ACOXL: variants seen among roughly 807,000 people sequenced by gnomAD.
ACOXL encodes acyl-CoA oxidase like, also known as acyl-coenzyme A oxidase-like protein.
ACOXL carries 70 observed loss-of-function variants against 71.9 expected under a neutral mutation model. The ratio of observed to expected loss-of-function variants is 0.97; its 90% CI spans 0.80 to 1.19. ACOXL has a LOEUF of 1.19. Among genes scored for constraint, ACOXL ranks in the 50% most tolerant of loss-of-function variants. ACOXL has a pLI of 0.00. For missense variants in ACOXL, 703 were observed against 736.3 expected (o/e 0.95, Z 0.52); for synonymous variants, 253 against 281.6 (o/e 0.90, Z 1.02).
intron 12 of ACOXL, among the ~76,000 whole-genome samples, chr2:110,938,912 C>T (rs1310366891): frequency 6.6e-6 from 1 of 151,938 alleles, no homozygotes; most frequent in Admixed American, 6.5e-5. Context: ...TGCCTACAGA[C>T]TACTCATAAT....
At chr2:110,758,477 T>C (rs1573371597) in intron 1 of ACOXL, among the ~76,000 whole-genome samples, 1 of 152,170 alleles carries the variant, frequency 6.6e-6, no homozygotes, top group African/African-American at 2.4e-5. Flanking sequence ...ATACATTATT[T>C]GGGGCAGTAT....
chr2:111,117,477 T>C, intron 17 of ACOXL, 139 bp from the exon 18 acceptor site: 2 of 882,890 alleles, frequency 2.3e-6, no homozygotes, highest in Non-Finnish European at 3.6e-6. Context: ...TGGCCAACAG[T>C]TTCCACAGGA....
chr2:110,963,564 AAT>A (rs1491217804), intron 12 of ACOXL: 34 of 1,478,460 alleles, frequency 2.3e-5, no homozygotes, highest in Admixed American at 8.0e-5. Context: ...GCAAATTTGA[AAT>A]GTGTGTGTGT....
intron 16 of ACOXL, among the ~76,000 whole-genome samples, chr2:111,084,805 A>G (rs1393338348): frequency 6.6e-6 from 1 of 151,726 alleles, no homozygotes; most frequent in Non-Finnish European, 1.5e-5. Context: ...ACCCAATAGT[A>G]TGCTGTCTTC....
At chr2:111,025,793 C>G (rs975384486) in intron 14 of ACOXL, among the ~76,000 whole-genome samples, 1 of 152,128 alleles carries the variant, frequency 6.6e-6, no homozygotes, top group African/African-American at 2.4e-5. Flanking sequence ...ATTTTGAAAA[C>G]ATTCAAAATT....
intron 14 of ACOXL, among the ~76,000 whole-genome samples, chr2:111,007,197 T>G (rs1377366695): frequency 6.6e-6 from 1 of 152,212 alleles, no homozygotes; most frequent in Non-Finnish European, 1.5e-5. Context: ...AATGGTTTCT[T>G]CAAGGCAATA....
chr2:110,817,933 T>C (rs1460467488), intron 9 of ACOXL, among the ~76,000 whole-genome samples: 1 of 151,764 alleles, frequency 6.6e-6, no homozygotes, highest in Non-Finnish European at 1.5e-5. Context: ...CCAAGTTTTG[T>C]TTCAATCCAT....
At chr2:111,091,000 G>T (rs1360389632) in intron 16 of ACOXL, among the ~76,000 whole-genome samples, 2 of 152,138 alleles carry the variant, frequency 1.3e-5, no homozygotes, top group Non-Finnish European at 2.9e-5. Flanking sequence ...TGTTAGCTGA[G>T]AACAGCTAGA....
chr2:110,880,676 A>G (rs913309334), intron 10 of ACOXL, among the ~76,000 whole-genome samples: 2 of 152,146 alleles, frequency 1.3e-5, no homozygotes, highest in Non-Finnish European at 2.9e-5. Context: ...GGCCGAGCAC[A>G]GTGGCTCATG....
At chr2:111,080,374 C>T (rs1184500380) in intron 16 of ACOXL, among the ~76,000 whole-genome samples, 1 of 152,196 alleles carries the variant, frequency 6.6e-6, no homozygotes, top group Non-Finnish European at 1.5e-5. Flanking sequence ...AAATTTCCCT[C>T]TAACCACTGC....
chr2:110,963,337 A>C (rs1366797048), intron 12 of ACOXL, among the ~76,000 whole-genome samples: 2 of 152,196 alleles, frequency 1.3e-5, no homozygotes, highest in African/African-American at 2.4e-5. Flanking sequence ...AAATCAGTCC[A>C]CTTTATTGAA....
intron 15 of ACOXL, among the ~76,000 whole-genome samples, chr2:111,042,823 A>G (rs867134860): frequency 1.3e-5 from 2 of 152,032 alleles, no homozygotes; most frequent in Non-Finnish European, 2.9e-5. Flanking sequence ...GGAGAAAGAG[A>G]CCCCAGAGTG....
At chr2:111,062,421 G>A (rs2066862718) in intron 16 of ACOXL, among the ~76,000 whole-genome samples, 1 of 152,050 alleles carries the variant, frequency 6.6e-6, no homozygotes, top group South Asian at 2.1e-4. Flanking sequence ...CAACTAGACA[G>A]AAAATCAAAA....
At chr2:110,899,486 A>G (rs901743032) in intron 10 of ACOXL, among the ~76,000 whole-genome samples, 6 of 152,208 alleles carry the variant, frequency 3.9e-5, no homozygotes, top group African/African-American at 1.4e-4. Context: ...TGGAAGGGAA[A>G]GAGGAGAGAA....
rs572267303 is a variant in ACOXL, at chr2:110,931,344, G to A, written c.906-2145G>A. 8.2e-4 allele frequency among the ~76,000 whole-genome samples: 125 copies of A among 152,300 alleles called. No homozygotes were observed. The South Asian group carries it at 0.015, about 18-fold the overall frequency. On this transcript the variant is annotated intron_variant, in intron 11 of 17. Coordinates refer to ENST00000439055, the MANE Select transcript of ACOXL (RefSeq NM_001142807.4). Reference sequence around the variant, plus strand: ...TTTCCCACCTATTTCCACCCCTGGGGAATGGGGAGAGATGGGGGTGTGTGT... The same window carrying A: ...TTTCCCACCTATTTCCACCCCTGGGAAATGGGGAGAGATGGGGGTGTGTGT...
chr2:111,020,421 G>C (rs982444661), intron 14 of ACOXL, among the ~76,000 whole-genome samples: 1 of 152,208 alleles, frequency 6.6e-6, no homozygotes, highest in East Asian at 1.9e-4. Context: ...CTGGTGGGGG[G>C]CTTCCTGATG....
At chr2:110,940,752 A>G (rs748651447) in intron 12 of ACOXL, among the ~76,000 whole-genome samples, 2 of 152,200 alleles carry the variant, frequency 1.3e-5, no homozygotes, top group Non-Finnish European at 2.9e-5. Flanking sequence ...ACTCTGTGTT[A>G]GGAAATCACG....
chr2:110,793,574 G>T, intron 3 of ACOXL, 76 bp from the exon 4 acceptor site: 1 of 1,349,884 alleles, frequency 7.4e-7, no homozygotes. Flanking sequence ...TCCCTGATTG[G>T]AGTTTGGCCG....
chr2:110,889,603 T>C (rs1232739727), intron 10 of ACOXL, among the ~76,000 whole-genome samples: 1 of 152,224 alleles, frequency 6.6e-6, no homozygotes. Flanking sequence ...AGGTGGTCTT[T>C]TGGAACTGAT....
Sources: allele counts gnomAD v4.1 joint callset (sites outside exome capture counted in the v4.1 genomes callset), GRCh38; gene constraint gnomAD v4.1.1; transcripts MANE v1.5; gene names NCBI Gene and HGNC (gene_info 2026-07-23, HGNC 2026-07-21).